Variants in RPS27 observed in about 807,000 individuals in gnomAD.
The protein encoded by RPS27 is ribosomal protein S27.
In RPS27, 1 loss-of-function variant was observed where a neutral mutation model predicts 11.8. The ratio of observed to expected loss-of-function variants is 0.08; its 90% confidence interval spans 0.03 to 0.40. The LOEUF is 0.40. RPS27 is among the 10% of genes least tolerant of loss of function. RPS27 has a pLI of 0.98. For missense variants in RPS27, 44 were observed against 100.1 expected (o/e 0.44, Z 2.39); for synonymous variants, 42 against 33.8 (o/e 1.24, Z -0.84).
At chr1:153,990,948 C>A in intron 1 of RPS27, 146 bp downstream of exon 1, 1 of 1,310,140 alleles carries the variant, frequency 7.6e-7, no homozygotes, top group Admixed American at 1.8e-5. Context: ...GGCCCACGGG[C>A]CACCCGCATA....
rs770500545 is a variant in RPS27, at chr1:153,991,636, C to A, written c.186C>A (p.Val62=). The change falls in exon 3 of 4, where the codon GTC becomes GTA. Residue 62 remains valine, a synonymous_variant. Coordinates refer to ENST00000651669, the MANE Select transcript of RPS27 (RefSeq NM_001030.6). ...TVVLCVGCST[V]LCQPTGGKAR... is the part of the protein sequence containing the mutation. ...TTTTGTGTGTTGGCTGCTCCACTGT[C>A]CTCTGCCAGCCTACAGGAGGAAAAG... 6.2e-7 allele frequency: 1 copy of A among 1,611,626 alleles called. No homozygotes were observed. Among genetic ancestry groups the A allele is most frequent in the South Asian group, 1.1e-5 (1 of 91,016 alleles).
intron 1 of RPS27, 107 bp from the exon 2 acceptor site, chr1:153,991,008 G>C (rs994312297): frequency 8.9e-7 from 1 of 1,125,392 alleles, no homozygotes; most frequent in Non-Finnish European, 1.3e-6. Context: ...GCAGACACCA[G>C]GGGCGGCGAG....
chr1:153,991,103 T>C lies in RPS27; in HGVS notation c.7-12T>C. The C allele has an allele frequency of 1.3e-6, 2 of 1,554,420 alleles. No homozygotes were observed. The highest frequency in any genetic ancestry group is 8.7e-7 in the Non-Finnish European group (1 of 1,146,196). ...GTTGGTTTCTAAATCTCTGCATTTC[T>C]GTCCCTCTTAGCTCGCAAAGGATCT... is the stretch of plus-strand genomic sequence containing the variant. On this transcript the variant is annotated splice_polypyrimidine_tract_variant and intron_variant, in intron 1 of 3. Coordinates refer to ENST00000651669, the MANE Select transcript of RPS27 (RefSeq NM_001030.6).
Position 153,991,229 on chromosome 1 carries a change from G to A in RPS27, c.115+6G>A. The stretch of plus-strand genomic sequence containing the variant: ...CATGGATGTGAAATGCCCAGGTGAG[G>A]AGACGGCTTGCTGTAGTGGGGAAAG... On this transcript the variant is annotated splice_donor_region_variant and intron_variant, in intron 2 of 3. Coordinates refer to ENST00000651669, the MANE Select transcript of RPS27 (RefSeq NM_001030.6). 6.3e-7 allele frequency: 1 copy of A among 1,590,950 alleles called. No individual in the cohort carries two copies.
rs1214057577 is a variant in RPS27, at chr1:153,991,348, T to C, written c.115+125T>C. ...CTTCAGTTTCTTCGCCTGTGGAAAA[T>C]ATTTTCCCTGATACTCTTAAAATTT... On this transcript the variant is annotated intron_variant, in intron 2 of 3. Transcript: ENST00000651669. 1.1e-5 allele frequency: 17 copies of C among 1,516,110 alleles called. No homozygotes were observed. The African/African-American group carries it at 1.8e-4, about 16-fold the overall frequency. 93.9% of individuals were successfully genotyped at this position (1,516,110 alleles called of 1,614,324 possible). A position where few individuals can be genotyped will look rare whatever the true frequency, so the allele number is the denominator to read the frequency against.
chr1:153,991,969 T>C (rs1649436311), intron 3 of RPS27, 96 bp from the exon 4 acceptor site: 2 of 1,119,186 alleles, frequency 1.8e-6, no homozygotes, highest in Non-Finnish European at 2.7e-6. Flanking sequence ...AAGATGTAGC[T>C]TTCTGTGGGT....
rs978903768 is a variant in RPS27, at chr1:153,991,263, C to T, written c.115+40C>T. The T allele has an allele frequency of 2.5e-6, 4 of 1,569,736 alleles. No homozygotes were observed. The African/African-American group carries it at 4.1e-5, about 16-fold the overall frequency. On this transcript the variant is annotated intron_variant, in intron 2 of 3. Transcript: ENST00000651669. ...TGCTGTAGTGGGGAAAGCACTGGAC[C>T]TCAACAGTTGGAAAATGTTGTAGTG...
At chr1:153,991,716 A>T (rs1246683503) in intron 3 of RPS27, 40 bp downstream of exon 3, 8 of 1,273,844 alleles carry the variant, frequency 6.3e-6, no homozygotes, top group African/African-American at 1.5e-5. Flanking sequence ...TTTGAGTTTG[A>T]TTTTTAGAAA....
chr1:153,991,396 T>G, intron 2 of RPS27, 170 bp from the exon 3 acceptor site: 2 of 1,483,354 alleles, frequency 1.3e-6, no homozygotes, highest in Middle Eastern at 2.4e-4. Context: ...CTGGCAAAGT[T>G]TTGCATCTTA....
intron 3 of RPS27, 71 bp from the exon 4 acceptor site, chr1:153,991,994 C>CT: frequency 7.9e-6 from 11 of 1,395,852 alleles, no homozygotes; most frequent in Non-Finnish European, 1.1e-5. Flanking sequence ...CATCATGCAT[C>CT]TGCTTTTTTG....
At position 153,991,718 on chromosome 1, in the gene RPS27, T is replaced by A. The variant is rs758452318; in HGVS notation, c.226+42T>A. On this transcript the variant is annotated intron_variant, in intron 3 of 3. Coordinates refer to ENST00000651669, the MANE Select transcript of RPS27 (RefSeq NM_001030.6). ...TGTGATTTGGGGCTTTGAGTTTGAT[T>A]TTTAGAAATGGAAACATTTCTTAGG... 6.2e-6 allele frequency: 8 copies of A among 1,282,058 alleles called. 1 individual carries two copies. Among genetic ancestry groups the A allele is most frequent in the South Asian group, 6.2e-5 (5 of 80,806 alleles). The allele number at this position is 1,282,058 out of a possible 1,614,324, so 79.4% of individuals were successfully genotyped here. A position where few individuals can be genotyped will look rare whatever the true frequency, so the allele number is the denominator to read the frequency against.
chr1:153,991,637 C>T lies in RPS27; in HGVS notation c.187C>T (p.Leu63Phe), dbSNP rs1649416522. 6.2e-7 allele frequency: 1 copy of T among 1,611,748 alleles called. No homozygotes were observed. The highest frequency in any genetic ancestry group is 8.5e-7 in the Non-Finnish European group (1 of 1,177,840). Residue 63 changes from leucine (L) to phenylalanine (F), a missense_variant, in exon 3 of 4, where the codon CTC (leucine) becomes TTC (phenylalanine). This residue lies in a region of RPS27 where 23 missense variants were observed against 83.8 expected (regional missense o/e 0.27). Coordinates refer to ENST00000651669, the MANE Select transcript of RPS27 (RefSeq NM_001030.6). ...TTTGTGTGTTGGCTGCTCCACTGTC[C>T]TCTGCCAGCCTACAGGAGGAAAAGC... ...VVLCVGCSTV[L>F]CQPTGGKARL...
Position 153,991,530 on chromosome 1 carries a change from A to G in RPS27, c.116-36A>G, listed in dbSNP as rs779087764. 8.6e-6 allele frequency: 13 copies of G among 1,512,306 alleles called. No homozygotes were observed. The East Asian group carries it at 2.5e-4, about 29-fold the overall frequency. The allele number at this position is 1,512,306 out of a possible 1,614,324, so 93.7% of individuals were successfully genotyped here. ...GCATAAGTGCAGGAAAGACGGGTGT[A>G]ATAGAGGAAAAAAATGTTATCTGCT... On this transcript the variant is annotated intron_variant, in intron 2 of 3. Transcript: ENST00000651669.
rs759104303 is a variant in RPS27 at position 153,991,659 on chromosome 1, A to G, written c.209A>G (p.Lys70Arg). 1 of 1,605,800 alleles carries G rather than the reference A, an allele frequency of 6.2e-7. No homozygotes were observed. Among genetic ancestry groups the G allele is most frequent in the Non-Finnish European group, 8.5e-7 (1 of 1,172,706 alleles). ...GTCCTCTGCCAGCCTACAGGAGGAA[A>G]AGCAAGGCTTACAGAAGGTAAATGG... ...STVLCQPTGG[K>R]ARLTEGCSFR... Residue 70 changes from lysine (K) to arginine (R), a missense_variant, in exon 3 of 4, where the codon AAA becomes AGA. Physicochemically the swap from Lys to Arg is conservative, Grantham distance 26. Coordinates refer to ENST00000651669, the MANE Select transcript of RPS27 (RefSeq NM_001030.6).
intron 3 of RPS27, 68 bp downstream of exon 3, chr1:153,991,744 A>AT (rs1649421729): frequency 9.3e-7 from 1 of 1,076,012 alleles, no homozygotes; most frequent in Admixed American, 2.1e-5. Context: ...ATTTCTTAGG[A>AT]TTTTTCGGTC....
rs188748675 is a variant in RPS27, at chr1:153,990,763, C to G, written c.-34C>G. 4.3e-6 allele frequency: 7 copies of G among 1,614,064 alleles called. No homozygotes were observed. Among genetic ancestry groups the G allele is most frequent in the South Asian group, 1.1e-5 (1 of 91,092 alleles). On this transcript the variant is annotated 5_prime_UTR_variant, in exon 1 of 4. Transcript: ENST00000651669. ...AGGGGCAGGATTTCCGCTTTCGCTCCTTTCCGGCGGTGACGACCTACGCAC... is the reference window on the plus strand; with the variant it reads ...AGGGGCAGGATTTCCGCTTTCGCTCGTTTCCGGCGGTGACGACCTACGCAC...
chr1:153,992,047 T>C lies in RPS27; in HGVS notation c.227-18T>C. On this transcript the variant is annotated intron_variant, in intron 3 of 3. Coordinates refer to ENST00000651669, the MANE Select transcript of RPS27 (RefSeq NM_001030.6). ...ACCTGTACTGATGACAGCTAATCTC[T>C]GAATCTTTTTCCTCCAGGATGTTCC... The C allele has an allele frequency of 6.2e-7, 1 of 1,612,914 alleles. No individual in the cohort carries two copies. The highest frequency in any genetic ancestry group is 1.1e-5 in the South Asian group (1 of 91,042).
intron 3 of RPS27, 109 bp downstream of exon 3, chr1:153,991,785 A>G: frequency 1.3e-6 from 1 of 744,844 alleles, no homozygotes. Flanking sequence ...CTATAATGTA[A>G]ATTTTTAGAC....
At chr1:153,991,702 G>T (rs1450292270) in intron 3 of RPS27, 26 bp downstream of exon 3, 2 of 1,424,956 alleles carry the variant, frequency 1.4e-6, no homozygotes, top group South Asian at 2.4e-5. Context: ...ATGTGATTTG[G>T]GGCTTTGAGT....
Sources: allele counts gnomAD v4.1 joint callset, GRCh38; gene constraint gnomAD v4.1.1; regional missense constraint gnomAD v4.1.1; transcripts MANE v1.5; gene names NCBI Gene and HGNC (gene_info 2026-07-23, HGNC 2026-07-21).